Variants in CTNNA3 observed in about 807,000 individuals in gnomAD.
CTNNA3 encodes catenin alpha 3, also known as catenin alpha-3.
A neutral mutation model predicts 95.7 loss-of-function variants in CTNNA3; 76 were observed. The observed-to-expected ratio is 0.79, with a 90% CI of 0.66 to 0.96. The LOEUF is 0.96. Ranked by LOEUF, CTNNA3 falls within the 40% of genes least tolerant of loss-of-function variation. The pLI is 0.00. For missense variants in CTNNA3, 1,191 were observed against 1,089.8 expected (o/e 1.09, Z -1.31); for synonymous variants, 431 against 374.4 (o/e 1.15, Z -1.74).
intron 13 of CTNNA3, among the ~76,000 whole-genome samples, chr10:66,272,451 G>A (rs943854574): frequency 7.9e-5 from 12 of 152,162 alleles, no homozygotes; most frequent in Non-Finnish European, 1.8e-4. Flanking sequence ...GCGCACATTT[G>A]ATAGCCGTTA....
At chr10:67,647,356 C>A (rs1839747323) in intron 2 of CTNNA3, 59 bp downstream of exon 2, 4 of 1,158,690 alleles carry the variant, frequency 3.5e-6, no homozygotes, top group Non-Finnish European at 3.7e-6. Flanking sequence ...TTCATTTTTC[C>A]CACATATTTT....
intron 5 of CTNNA3, among the ~76,000 whole-genome samples, chr10:67,318,468 T>C (rs1333316992): frequency 1.3e-5 from 2 of 152,184 alleles, no homozygotes; most frequent in Non-Finnish European, 2.9e-5. Context: ...TGAAAACTAA[T>C]GGATCTTTCC....
chr10:66,484,041 C>G (rs1368171808), intron 11 of CTNNA3, among the ~76,000 whole-genome samples: 1 of 152,072 alleles, frequency 6.6e-6, no homozygotes, highest in African/African-American at 2.4e-5. Context: ...TAATATTACT[C>G]TATTTTCCTT....
intron 9 of CTNNA3, among the ~76,000 whole-genome samples, chr10:66,649,131 T>C (rs963293171): frequency 1.8e-4 from 28 of 151,392 alleles, no homozygotes; most frequent in African/African-American, 6.8e-4. Context: ...AAAGGAGGAA[T>C]GATTGAACAA....
intron 13 of CTNNA3, among the ~76,000 whole-genome samples, chr10:66,239,337 A>C (rs2132034026): frequency 6.6e-6 from 1 of 151,862 alleles, no homozygotes; most frequent in African/African-American, 2.4e-5. Flanking sequence ...TATTCTTTTA[A>C]CTTTGGAGAT....
At chr10:67,275,815 G>A (rs961298512) in intron 5 of CTNNA3, among the ~76,000 whole-genome samples, 6 of 152,018 alleles carry the variant, frequency 3.9e-5, no homozygotes, top group South Asian at 2.1e-4. Context: ...TTCTTTAGCC[G>A]TCTTTACTGA....
intron 11 of CTNNA3, among the ~76,000 whole-genome samples, chr10:66,424,656 A>T (rs75669629): frequency 1.5e-3 from 227 of 152,188 alleles, no homozygotes; most frequent in African/African-American, 4.9e-3. Flanking sequence ...GTTTATAGTG[A>T]CCTCACTTTT....
At chr10:67,000,581 T>C (rs993678634) in intron 7 of CTNNA3, among the ~76,000 whole-genome samples, 2 of 152,114 alleles carry the variant, frequency 1.3e-5, no homozygotes, top group African/African-American at 4.8e-5. Context: ...TCTGTATCTA[T>C]AAAGAAACCA....
intron 13 of CTNNA3, among the ~76,000 whole-genome samples, chr10:66,170,727 CAA>C (rs34828048): frequency 2.5e-3 from 342 of 137,318 alleles, no homozygotes; most frequent in Non-Finnish European, 3.2e-3. Flanking sequence ...AATGTTTACC[CAA>C]AAAAAAAAAA....
At chr10:67,342,354 G>A (rs757796083) in intron 5 of CTNNA3, among the ~76,000 whole-genome samples, 52 of 151,952 alleles carry the variant, frequency 3.4e-4, no homozygotes, top group Non-Finnish European at 2.2e-4. Flanking sequence ...CACCCACCTC[G>A]GCCTCCCAAA....
chr10:66,975,392 T>C (rs1849972745), intron 7 of CTNNA3, among the ~76,000 whole-genome samples: 1 of 152,258 alleles, frequency 6.6e-6, no homozygotes, highest in South Asian at 2.1e-4. Context: ...GACTTAGTTA[T>C]GATTTGATTA....
chr10:67,141,126 T>A (rs1390620567), intron 7 of CTNNA3, among the ~76,000 whole-genome samples: 1 of 152,172 alleles, frequency 6.6e-6, no homozygotes, highest in Non-Finnish European at 1.5e-5. Context: ...TATTTGGTGA[T>A]CAGAGCCAGA....
chr10:66,871,143 T>C (rs1279873672), intron 7 of CTNNA3, among the ~76,000 whole-genome samples: 1 of 152,192 alleles, frequency 6.6e-6, no homozygotes, highest in Non-Finnish European at 1.5e-5. Context: ...GTAAAACTCA[T>C]TGGCAGAAAG....
At chr10:66,730,006 T>A (rs1375568625) in intron 9 of CTNNA3, among the ~76,000 whole-genome samples, 1 of 150,626 alleles carries the variant, frequency 6.6e-6, no homozygotes, top group Non-Finnish European at 1.5e-5. Flanking sequence ...CTGGGGAGGC[T>A]GAGGCAGGTG....
At chr10:66,049,221 T>C (rs1283734539) in intron 15 of CTNNA3, among the ~76,000 whole-genome samples, 1 of 152,110 alleles carries the variant, frequency 6.6e-6, no homozygotes, top group Non-Finnish European at 1.5e-5. Context: ...GAAATGCAAA[T>C]TGAAACCACA....
At chr10:67,198,221 G>A (rs1055172733) in intron 6 of CTNNA3, among the ~76,000 whole-genome samples, 2 of 152,034 alleles carry the variant, frequency 1.3e-5, no homozygotes, top group Admixed American at 6.6e-5. Flanking sequence ...ATGATATGTT[G>A]TGATATCCTT....
intron 5 of CTNNA3, among the ~76,000 whole-genome samples, chr10:67,483,628 G>A (rs1417872046): frequency 6.6e-6 from 1 of 151,484 alleles, no homozygotes; most frequent in African/African-American, 2.4e-5. Flanking sequence ...GGAGGGGGGA[G>A]GAATAGCATT....
intron 12 of CTNNA3, among the ~76,000 whole-genome samples, chr10:66,357,740 A>C (rs2092622178): frequency 6.6e-6 from 1 of 152,118 alleles, no homozygotes; most frequent in African/African-American, 2.4e-5. Context: ...GGCTATTAAT[A>C]ATGATGCTAT....
intron 9 of CTNNA3, among the ~76,000 whole-genome samples, chr10:66,683,763 A>C (rs1317733127): frequency 1.3e-5 from 2 of 152,274 alleles, no homozygotes; most frequent in South Asian, 2.1e-4. Flanking sequence ...CAAAATCTTG[A>C]ATGACAGCCA....
Sources: gnomAD v4.1 joint callset for allele counts (sites outside exome capture counted in the v4.1 genomes callset) on GRCh38, gnomAD v4.1.1 for gene constraint, MANE v1.5 for transcripts, NCBI Gene and HGNC (gene_info 2026-07-23, HGNC 2026-07-21) for gene names.